The following ZFHX3 variants were observed in gnomAD, a reference collection of about 807,000 sequenced individuals.
The protein encoded by ZFHX3 is zinc finger homeobox 3, also known as zinc finger homeobox protein 3.
ZFHX3 carries 42 observed loss-of-function variants against 279.1 expected under a neutral mutation model. That is an observed-to-expected ratio of 0.15 (90% confidence interval 0.12 to 0.19). ZFHX3 has a LOEUF of 0.19. Among genes scored for constraint, ZFHX3 ranks in the 10% least tolerant of loss-of-function variants. ZFHX3 has a pLI of 1.00. For missense variants in ZFHX3, 4,981 were observed against 4,754.0 expected (o/e 1.05, Z -1.40); for synonymous variants, 2,293 against 1,957.8 (o/e 1.17, Z -4.52).
intron 1 of ZFHX3, among the ~76,000 whole-genome samples, chr16:73,879,550 C>G (rs2030074338): frequency 6.6e-6 from 1 of 152,020 alleles, no homozygotes; most frequent in Non-Finnish European, 1.5e-5. Context: ...TTTCCACTCT[C>G]TAGATGAAGC....
chr16:72,921,697 G>A (rs948864302), intron 3 of ZFHX3, among the ~76,000 whole-genome samples: 2 of 152,200 alleles, frequency 1.3e-5, no homozygotes, highest in Admixed American at 1.3e-4. Context: ...GGAGTCTGGA[G>A]AGAAAGGACG....
intron 1 of ZFHX3, among the ~76,000 whole-genome samples, chr16:73,806,859 A>G (rs1220194169): frequency 2.0e-5 from 3 of 152,086 alleles, no homozygotes; most frequent in Non-Finnish European, 2.9e-5. Flanking sequence ...CTTTTGGGGG[A>G]AGTGGTTATT....
At chr16:73,887,293 C>A in intron 1 of ZFHX3, among the ~76,000 whole-genome samples, 1 of 152,150 alleles carries the variant, frequency 6.6e-6, no homozygotes, top group East Asian at 1.9e-4. Flanking sequence ...TTGGCAGGAT[C>A]TTCCTCAAAA....
intron 1 of ZFHX3, among the ~76,000 whole-genome samples, chr16:73,789,982 G>A (rs1359381136): frequency 1.3e-5 from 2 of 152,140 alleles, no homozygotes; most frequent in African/African-American, 2.4e-5. Flanking sequence ...TCTCGCCGCT[G>A]GAGTTAAGGT....
chr16:72,844,872 CCCTTCCTCATTT>C (rs1163000744), intron 4 of ZFHX3, among the ~76,000 whole-genome samples: 2 of 152,106 alleles, frequency 1.3e-5, no homozygotes, highest in African/African-American at 4.8e-5. Flanking sequence ...CCGCCCCCTC[CCCTTCCTCATTT>C]CCGAGATGAA....
chr16:73,043,731 G>A (rs943481140), intron 1 of ZFHX3, among the ~76,000 whole-genome samples: 1 of 152,170 alleles, frequency 6.6e-6, no homozygotes, highest in Non-Finnish European at 1.5e-5. Context: ...ACTAAGCCTT[G>A]CTCTGCACCT....
chr16:73,599,444 C>T (rs2052088110), intron 2 of ZFHX3, among the ~76,000 whole-genome samples: 1 of 152,242 alleles, frequency 6.6e-6, no homozygotes, highest in South Asian at 2.1e-4. Flanking sequence ...ATTCAGATTT[C>T]AAGGCAATGG....
chr16:73,043,006 G>A (rs1224138058), intron 1 of ZFHX3, among the ~76,000 whole-genome samples: 1 of 152,012 alleles, frequency 6.6e-6, no homozygotes, highest in Non-Finnish European at 1.5e-5. Context: ...GGCCTTGCAA[G>A]GGAGTTTCAG....
At chr16:73,889,392 G>C (rs549695430) in intron 1 of ZFHX3, among the ~76,000 whole-genome samples, 6 of 152,148 alleles carry the variant, frequency 3.9e-5, no homozygotes, top group Non-Finnish European at 8.8e-5. Context: ...TGAGACCCAG[G>C]CTAGAGTCAG....
chr16:73,775,422 G>T (rs1240628572), intron 1 of ZFHX3, among the ~76,000 whole-genome samples: 1 of 152,078 alleles, frequency 6.6e-6, no homozygotes, highest in Non-Finnish European at 1.5e-5. Flanking sequence ...GAAATACTAT[G>T]GGTTTAAATC....
intron 7 of ZFHX3, among the ~76,000 whole-genome samples, chr16:72,801,931 ACT>A (rs2036114263): frequency 1.4e-5 from 2 of 147,298 alleles, no homozygotes; most frequent in Admixed American, 6.8e-5. Context: ...AGGAAAAAAG[ACT>A]CCCCCCCACC....
chr16:73,287,502 ATGTGGGGTGATGTGTGCATGTGTGGCTG>A (rs2014649872), intron 4 of ZFHX3, among the ~76,000 whole-genome samples: 1 of 56,726 alleles, frequency 1.8e-5, no homozygotes. Context: ...ATGAGTGGCT[ATGTGGGGTGATGTGTGCATGTGTGGCTG>A]TGTGGGTGTG....
intron 1 of ZFHX3, among the ~76,000 whole-genome samples, chr16:73,029,580 G>C (rs1964623203): frequency 6.6e-6 from 1 of 152,240 alleles, no homozygotes; most frequent in Non-Finnish European, 1.5e-5. Flanking sequence ...TGGAGTATTA[G>C]AGAGAAAACA....
Position 72,889,965 on chromosome 16 carries a change from G to C in ZFHX3, c.3217-3C>G. ...CCACTCTCATGCTGCTGCAGGTGCT[G>C]CAAGTAACAAAAGAGAAAGACATGC... On this transcript the variant is annotated splice_region_variant and splice_polypyrimidine_tract_variant and intron_variant, in intron 3 of 9. Transcript: ENST00000268489. The C allele has an allele frequency of 1.2e-6, 2 of 1,611,218 alleles. No homozygotes were observed. The highest frequency in any genetic ancestry group is 1.7e-6 in the Non-Finnish European group (2 of 1,179,124).
At chr16:73,205,529 A>G (rs2011764889) in intron 5 of ZFHX3, among the ~76,000 whole-genome samples, 2 of 152,212 alleles carry the variant, frequency 1.3e-5, no homozygotes, top group South Asian at 2.1e-4. Flanking sequence ...AGAATCCTCA[A>G]TAACGAGATC....
chr16:73,316,388 C>T (rs1041060358), intron 4 of ZFHX3, among the ~76,000 whole-genome samples: 1 of 152,134 alleles, frequency 6.6e-6, no homozygotes, highest in Non-Finnish European at 1.5e-5. Flanking sequence ...ATGTCCACCC[C>T]ACCCTCACCC....
At chr16:72,863,387 G>A (rs1321999451) in intron 4 of ZFHX3, among the ~76,000 whole-genome samples, 1 of 150,100 alleles carries the variant, frequency 6.7e-6, no homozygotes, top group Non-Finnish European at 1.5e-5. Flanking sequence ...GCATGATGGT[G>A]CGTGCCTGTA....
At chr16:72,984,221 A>G (rs1005718701) in intron 1 of ZFHX3, among the ~76,000 whole-genome samples, 1 of 152,234 alleles carries the variant, frequency 6.6e-6, no homozygotes, top group Non-Finnish European at 1.5e-5. Context: ...CTGGCAAGAC[A>G]GTCAGGAAGG....
Position 73,264,221 on chromosome 16 carries a change from C to A in ZFHX3, c.-1193-7085G>T, listed in dbSNP as rs115405387. Among the ~76,000 whole-genome samples, 1,068 of 152,260 alleles carry A rather than the reference C, an allele frequency of 7.0e-3. 4 individuals carry two copies. The highest frequency in any genetic ancestry group is 0.01 in the Non-Finnish European group (704 of 68,022). The stretch of plus-strand genomic sequence containing the variant: ...CTTGAGTATCAGATTTCCAAGTATT[C>A]ATTCCCCCTCTTCTTTTTATCCCTC... On this transcript the variant is annotated intron_variant, in intron 4 of 17. Transcript: ENST00000641206.
Sources: allele counts gnomAD v4.1 joint callset (sites outside exome capture counted in the v4.1 genomes callset), GRCh38; gene constraint gnomAD v4.1.1; transcripts MANE v1.5; gene names NCBI Gene and HGNC (gene_info 2026-07-23, HGNC 2026-07-21).